Variants in CLYBL observed in about 807,000 individuals in gnomAD.
The protein encoded by CLYBL is citramalyl-CoA lyase, also known as citramalyl-CoA lyase, mitochondrial.
Under a neutral mutation model 38.9 loss-of-function variants are expected in CLYBL, and 31 were observed. That is an observed-to-expected ratio of 0.80 (90% CI 0.60 to 1.08). The LOEUF is 1.08. Ranked by LOEUF, CLYBL falls within the 50% of genes least tolerant of loss-of-function variation. The probability of loss-of-function intolerance (pLI) is 0.00; values close to 1 mark genes in which losing one functional copy is unlikely to be tolerated. For synonymous variants in CLYBL, 171 were observed against 158.6 expected, an observed-to-expected ratio of 1.08 and a Z score of -0.59; for missense variants, 434 against 411.6, an observed-to-expected ratio of 1.05 and a Z score of -0.47.
chr13:99,675,845 C>T (rs1212743900), intron 1 of CLYBL, among the ~76,000 whole-genome samples: 1 of 152,120 alleles, frequency 6.6e-6, no homozygotes, highest in African/African-American at 2.4e-5. Context: ...ATGAACATTT[C>T]TGTACACATT....
At chr13:99,905,684 TG>T (rs2052689159) in intron 9 of CLYBL, among the ~76,000 whole-genome samples, 1 of 150,568 alleles carries the variant, frequency 6.6e-6, no homozygotes, top group Non-Finnish European at 1.5e-5. Flanking sequence ...GAAATTTTCA[TG>T]CAGCCATAAA....
intron 3 of CLYBL, among the ~76,000 whole-genome samples, chr13:99,861,232 GGGA>G (rs371949801): frequency 3.9e-5 from 6 of 151,922 alleles, no homozygotes; most frequent in African/African-American, 9.7e-5. Context: ...AAGAAAGAGG[GGGA>G]GGAGGAGGAG....
chr13:99,753,858 A>T (rs373247269), intron 1 of CLYBL, among the ~76,000 whole-genome samples: 28 of 149,980 alleles, frequency 1.9e-4, no homozygotes, highest in African/African-American at 6.9e-4. Context: ...GGAGGCCGAG[A>T]CGGGCGGATC....
intron 1 of CLYBL, among the ~76,000 whole-genome samples, chr13:99,754,484 C>T (rs904314277): frequency 1.3e-5 from 2 of 148,176 alleles, no homozygotes; most frequent in African/African-American, 4.9e-5. Flanking sequence ...TGGTCTTGAA[C>T]TCCTGGGGTC....
At chr13:99,739,362 C>T (rs907602279) in intron 1 of CLYBL, among the ~76,000 whole-genome samples, 1 of 151,814 alleles carries the variant, frequency 6.6e-6, no homozygotes, top group African/African-American at 2.4e-5. Context: ...GTATTCAACA[C>T]GTGTTGGCAG....
intron 2 of CLYBL, among the ~76,000 whole-genome samples, chr13:99,824,106 A>G (rs2050640835): frequency 6.6e-6 from 1 of 152,248 alleles, no homozygotes; most frequent in Non-Finnish European, 1.5e-5. Flanking sequence ...AGGCTTTTCT[A>G]GACTTAAATA....
intron 1 of CLYBL, among the ~76,000 whole-genome samples, chr13:99,619,293 A>G (rs1181169610): frequency 2.0e-5 from 3 of 152,270 alleles, no homozygotes; most frequent in Non-Finnish European, 2.9e-5. Flanking sequence ...GCGCCATGTG[A>G]GGACACAGCA....
At chr13:99,701,415 G>T (rs1385163515) in intron 1 of CLYBL, among the ~76,000 whole-genome samples, 1 of 151,876 alleles carries the variant, frequency 6.6e-6, no homozygotes, top group African/African-American at 2.4e-5. Flanking sequence ...GGTTCACACT[G>T]TTCTCCTGCC....
intron 7 of CLYBL, among the ~76,000 whole-genome samples, chr13:99,879,906 A>C (rs185896427): frequency 6.6e-6 from 1 of 152,042 alleles, no homozygotes; most frequent in African/African-American, 2.4e-5. Context: ...TGGGGCTGGT[A>C]ATAATAACCA....
intron 7 of CLYBL, among the ~76,000 whole-genome samples, chr13:99,883,518 CAAA>C (rs199528877): frequency 1.5e-5 from 2 of 130,854 alleles, no homozygotes; most frequent in African/African-American, 2.8e-5. Flanking sequence ...GACTCCATCT[CAAA>C]AAAAAAAAAA....
At chr13:99,650,776 G>A (rs1447859904) in intron 1 of CLYBL, among the ~76,000 whole-genome samples, 1 of 152,054 alleles carries the variant, frequency 6.6e-6, no homozygotes, top group Non-Finnish European at 1.5e-5. Flanking sequence ...CCTCTCTCCT[G>A]TCCATCTTCC....
chr13:99,757,962 T>C (rs114314893), intron 1 of CLYBL, among the ~76,000 whole-genome samples: 175 of 152,352 alleles, frequency 1.1e-3, no homozygotes, highest in African/African-American at 3.9e-3. Context: ...GCAGATTCTC[T>C]GATGAAGAAG....
intron 1 of CLYBL, among the ~76,000 whole-genome samples, chr13:99,701,352 C>T (rs60878700): frequency 0.02 from 3,025 of 152,136 alleles, 83 homozygotes; most frequent in African/African-American, 0.069. Flanking sequence ...GCTCTGTCAC[C>T]CAGGCTGGAG....
intron 1 of CLYBL, among the ~76,000 whole-genome samples, chr13:99,738,750 G>C (rs566224236): frequency 2.0e-5 from 3 of 152,150 alleles, no homozygotes; most frequent in Non-Finnish European, 2.9e-5. Flanking sequence ...GAGTGGCAGA[G>C]ATGCCTGGTG....
intron 2 of CLYBL, among the ~76,000 whole-genome samples, chr13:99,776,170 A>C (rs2049510776): frequency 2.6e-5 from 2 of 76,180 alleles, no homozygotes; most frequent in Admixed American, 2.8e-4. Flanking sequence ...TCTCAAAAAA[A>C]AAAAACCAAA....
chr13:99,881,862 T>C (rs2052219922), intron 7 of CLYBL, among the ~76,000 whole-genome samples: 1 of 152,214 alleles, frequency 6.6e-6, no homozygotes, highest in Non-Finnish European at 1.5e-5. Flanking sequence ...ATGTCACTCA[T>C]ATATTGTATT....
chr13:99,823,470 T>C (rs1594204713), intron 2 of CLYBL, among the ~76,000 whole-genome samples: 1 of 152,366 alleles, frequency 6.6e-6, no homozygotes, highest in East Asian at 1.9e-4. Context: ...CACCAATTCA[T>C]CCTGCCTCCA....
At chr13:99,725,820 T>C (rs2048463083) in intron 1 of CLYBL, among the ~76,000 whole-genome samples, 1 of 152,198 alleles carries the variant, frequency 6.6e-6, no homozygotes, top group South Asian at 2.1e-4. Flanking sequence ...TCCCCTTTCC[T>C]TTTTGGTTTA....
intron 1 of CLYBL, among the ~76,000 whole-genome samples, chr13:99,674,142 CTTTTTTTTT>C (rs1167068936): frequency 3.3e-4 from 17 of 51,154 alleles, no homozygotes; most frequent in Admixed American, 1.6e-3. Context: ...TACTAGAATT[CTTTTTTTTT>C]TTTTTTTTTT....
Sources: allele counts gnomAD v4.1 joint callset (sites outside exome capture counted in the v4.1 genomes callset), GRCh38; gene constraint gnomAD v4.1.1; transcripts MANE v1.5; gene names NCBI Gene and HGNC (gene_info 2026-07-23, HGNC 2026-07-21).